ATG7: variants seen among roughly 807,000 people sequenced by gnomAD.
The protein encoded by ATG7 is ubiquitin-like modifier-activating enzyme ATG7.
ATG7 carries 70 observed loss-of-function variants against 82.4 expected under a neutral mutation model. The ratio of observed to expected loss-of-function variants is 0.85; its 90% CI spans 0.70 to 1.04. The LOEUF is 1.04. Ranked by LOEUF, ATG7 falls within the 50% of genes least tolerant of loss-of-function variation. The probability of loss-of-function intolerance (pLI) is 0.00; values close to 1 mark genes in which losing one functional copy is unlikely to be tolerated. For missense variants in ATG7, 792 were observed against 864.3 expected, an observed-to-expected ratio of 0.92 and a Z score of 1.05; for synonymous variants, 287 against 313.0, an observed-to-expected ratio of 0.92 and a Z score of 0.88.
At chr3:11,551,932 A>T (rs543721494) in intron 20 of ATG7, among the ~76,000 whole-genome samples, 1 of 152,070 alleles carries the variant, frequency 6.6e-6, no homozygotes, top group South Asian at 2.1e-4. Context: ...GATTTTTAGT[A>T]GAGACGGGGT....
chr3:11,418,940 C>A (rs752959838), intron 19 of ATG7, among the ~76,000 whole-genome samples: 1 of 152,036 alleles, frequency 6.6e-6, no homozygotes, highest in Non-Finnish European at 1.5e-5. Flanking sequence ...AACTCGCTAT[C>A]GCAAGAACAG....
intron 19 of ATG7, among the ~76,000 whole-genome samples, chr3:11,402,155 G>A (rs1258910100): frequency 6.6e-6 from 1 of 152,142 alleles, no homozygotes; most frequent in Non-Finnish European, 1.5e-5. Flanking sequence ...TGCATAGACT[G>A]GGCGTGGTTG....
chr3:11,421,647 G>C (rs966075627), intron 19 of ATG7, among the ~76,000 whole-genome samples: 1 of 152,130 alleles, frequency 6.6e-6, no homozygotes, highest in Non-Finnish European at 1.5e-5. Flanking sequence ...TTGATATTTT[G>C]ACCTCCTTCC....
chr3:11,382,915 C>A (rs943494342), intron 19 of ATG7, among the ~76,000 whole-genome samples: 3 of 152,182 alleles, frequency 2.0e-5, no homozygotes, highest in African/African-American at 7.2e-5. Context: ...TTGCTGTCGT[C>A]CTCCAATCCC....
chr3:11,465,361 C>CT (rs2086723515), intron 20 of ATG7, among the ~76,000 whole-genome samples: 1 of 150,772 alleles, frequency 6.6e-6, no homozygotes, highest in South Asian at 2.1e-4. Context: ...AGGAGAATGG[C>CT]GTGAATCCAG....
Position 11,281,119 on chromosome 3 carries a change from T to A in ATG7, c.-257+17T>A, listed in dbSNP as rs1942957812. 6.6e-6 allele frequency: 1 copy of A among 152,226 alleles called. No homozygotes were observed. Among genetic ancestry groups the A allele is most frequent in the Non-Finnish European group, 1.5e-5 (1 of 68,052 alleles). 9.4% of individuals were successfully genotyped at this position (152,226 alleles called of 1,614,324 possible). ...CTGATCAAGGTAGGAATGCAGTTAC[T>A]CTGTCATGACTTTTTCTTAGAGAAA... On this transcript the variant is annotated intron_variant, in intron 2 of 20. Transcript: ENST00000693202.
intron 3 of ATG7, among the ~76,000 whole-genome samples, chr3:11,283,123 C>A (rs767654072): frequency 6.6e-6 from 1 of 152,174 alleles, no homozygotes; most frequent in African/African-American, 2.4e-5. Context: ...ACTGAGTGCT[C>A]GCTGCCCTTT....
chr3:11,393,174 A>C (rs1008413579), intron 19 of ATG7, among the ~76,000 whole-genome samples: 3 of 152,208 alleles, frequency 2.0e-5, no homozygotes, highest in Non-Finnish European at 4.4e-5. Context: ...TAACCCACGT[A>C]TATATGCAAG....
intron 9 of ATG7, among the ~76,000 whole-genome samples, chr3:11,325,470 G>A (rs113026035): frequency 0.038 from 5,792 of 152,228 alleles, 123 homozygotes; most frequent in African/African-American, 0.051. Flanking sequence ...TCCGGAGTTC[G>A]TGACCAGCCT....
intron 19 of ATG7, among the ~76,000 whole-genome samples, chr3:11,386,517 T>G (rs949195383): frequency 6.6e-6 from 1 of 152,342 alleles, no homozygotes; most frequent in African/African-American, 2.4e-5. Flanking sequence ...CTCAATCATT[T>G]ACAAGGACTG....
At chr3:11,456,185 T>C (rs980122806) in intron 20 of ATG7, among the ~76,000 whole-genome samples, 2 of 152,192 alleles carry the variant, frequency 1.3e-5, no homozygotes, top group Non-Finnish European at 2.9e-5. Flanking sequence ...GACTAATCTT[T>C]CGTCTCTTCG....
At chr3:11,358,653 C>T (rs773955106) in intron 15 of ATG7, 41 bp downstream of exon 15, 2 of 1,586,768 alleles carry the variant, frequency 1.3e-6, no homozygotes, top group South Asian at 2.3e-5. Context: ...TTTAATGCAC[C>T]ACCACTCCAG....
At position 11,517,352 on chromosome 3, in the gene ATG7, G is replaced by A. The variant is rs201556959; in HGVS notation, c.2080-37459G>A. ...CAGACTCCACCTCAAAAAAAAAAAA[G>A]AAAAGAAAAGAAAAGAAAAAAACAA... On this transcript the variant is annotated intron_variant, in intron 20 of 20. Coordinates refer to ENST00000693202, the MANE Select transcript of ATG7 (RefSeq NM_001349232.2). 2.8e-5 allele frequency among the ~76,000 whole-genome samples: 3 copies of A among 108,006 alleles called. 1 individual carries two copies. Among genetic ancestry groups the A allele is most frequent in the South Asian group, 9.2e-4 (2 of 2,174 alleles). 70.9% of individuals were successfully genotyped at this position (108,006 alleles called of 152,430 possible).
At chr3:11,494,734 CA>C (rs2090674156) in intron 20 of ATG7, among the ~76,000 whole-genome samples, 1 of 151,976 alleles carries the variant, frequency 6.6e-6, no homozygotes, top group South Asian at 2.1e-4. Context: ...AGGGCTTTGG[CA>C]GCCATTTGTC....
chr3:11,344,320 G>T (rs1278832054), intron 13 of ATG7, among the ~76,000 whole-genome samples: 1 of 152,144 alleles, frequency 6.6e-6, no homozygotes, highest in African/African-American at 2.4e-5. Context: ...TTGTTTTATT[G>T]CTGACTTTAA....
At chr3:11,299,003 A>G (rs1040044980) in intron 4 of ATG7, 148 bp downstream of exon 4, 1 of 855,376 alleles carries the variant, frequency 1.2e-6, no homozygotes, top group African/African-American at 1.7e-5. Context: ...TGACTTTTTG[A>G]TCCCAGTTCA....
chr3:11,536,313 C>T (rs2070291138), intron 20 of ATG7, among the ~76,000 whole-genome samples: 1 of 152,168 alleles, frequency 6.6e-6, no homozygotes. Flanking sequence ...TCCACTTAAC[C>T]TTTGGTCCAC....
At chr3:11,429,222 G>A (rs1318866985) in intron 20 of ATG7, among the ~76,000 whole-genome samples, 1 of 152,152 alleles carries the variant, frequency 6.6e-6, no homozygotes, top group Non-Finnish European at 1.5e-5. Flanking sequence ...TAGGCGGGGC[G>A]TGGTGGCTCA....
chr3:11,322,117 A>G (rs1197136710), intron 9 of ATG7, among the ~76,000 whole-genome samples: 2 of 152,204 alleles, frequency 1.3e-5, no homozygotes, highest in African/African-American at 4.8e-5. Flanking sequence ...TGGGTGATGT[A>G]TGGTTGTTAC....
Sources: allele counts gnomAD v4.1 joint callset (sites outside exome capture counted in the v4.1 genomes callset), GRCh38; gene constraint gnomAD v4.1.1; transcripts MANE v1.5; gene names NCBI Gene and HGNC (gene_info 2026-07-23, HGNC 2026-07-21).